LRP1B: variants seen among roughly 807,000 people sequenced by gnomAD.
The protein encoded by LRP1B is LDL receptor related protein 1B.
In LRP1B, 217 loss-of-function variants were observed where a neutral mutation model predicts 556.6. The ratio of observed to expected loss-of-function variants is 0.39; its 90% CI spans 0.35 to 0.44. The LOEUF is 0.44. Ranked by LOEUF, LRP1B falls within the 20% of genes least tolerant of loss-of-function variation. The probability of loss-of-function intolerance (pLI) is 1.00; values close to 1 mark genes in which losing one functional copy is unlikely to be tolerated. For missense variants in LRP1B, 5,053 were observed against 5,620.8 expected, an observed-to-expected ratio of 0.90 and a Z score of 3.23; for synonymous variants, 2,047 against 1,865.8, an observed-to-expected ratio of 1.10 and a Z score of -2.50.
chr2:140,283,331 CAG>C (rs1384659458), intron 84 of LRP1B, among the ~76,000 whole-genome samples: 4 of 151,582 alleles, frequency 2.6e-5, no homozygotes, highest in Non-Finnish European at 5.9e-5. Flanking sequence ...CTTCCAAAGT[CAG>C]AGCTGTGTTT....
At chr2:140,361,308 A>C (rs1490061354) in intron 72 of LRP1B, among the ~76,000 whole-genome samples, 1 of 135,374 alleles carries the variant, frequency 7.4e-6, no homozygotes, top group Non-Finnish European at 1.6e-5. Context: ...TGATACCACC[A>C]AGTATGAATA....
chr2:140,868,641 C>A (rs1693028167), intron 25 of LRP1B, among the ~76,000 whole-genome samples: 1 of 151,876 alleles, frequency 6.6e-6, no homozygotes, highest in Non-Finnish European at 1.5e-5. Flanking sequence ...AAGGCCCTAA[C>A]AGGGAAAAGA....
chr2:141,588,123 C>T (rs928936441), intron 2 of LRP1B, among the ~76,000 whole-genome samples: 1 of 152,084 alleles, frequency 6.6e-6, no homozygotes, highest in African/African-American at 2.4e-5. Flanking sequence ...TTATGGAGAA[C>T]CAAAAATATA....
intron 41 of LRP1B, among the ~76,000 whole-genome samples, chr2:140,642,383 G>A (rs1196943956): frequency 3.9e-5 from 6 of 152,102 alleles, no homozygotes; most frequent in Non-Finnish European, 8.8e-5. Context: ...CTTCGTGCAC[G>A]AGCATCTAAC....
At chr2:141,745,069 C>G (rs1325106262) in intron 2 of LRP1B, among the ~76,000 whole-genome samples, 1 of 152,138 alleles carries the variant, frequency 6.6e-6, no homozygotes, top group South Asian at 2.1e-4. Flanking sequence ...GCTAAGCTGC[C>G]TGGAGCCAGG....
intron 77 of LRP1B, among the ~76,000 whole-genome samples, chr2:140,347,127 A>G (rs921115593): frequency 6.6e-6 from 1 of 151,844 alleles, no homozygotes; most frequent in Non-Finnish European, 1.5e-5. Flanking sequence ...ACTTTTTTGT[A>G]TAGCATTTCA....
At chr2:140,263,980 A>G (rs1215810125) in intron 86 of LRP1B, among the ~76,000 whole-genome samples, 1 of 152,090 alleles carries the variant, frequency 6.6e-6, no homozygotes, top group East Asian at 1.9e-4. Context: ...GGTGGCTTAC[A>G]CAACAAGTTT....
At chr2:140,864,494 A>C (rs1244189370) in intron 27 of LRP1B, among the ~76,000 whole-genome samples, 12 of 151,992 alleles carry the variant, frequency 7.9e-5, no homozygotes, top group Admixed American at 2.6e-4. Flanking sequence ...AACAACTGTA[A>C]AGTACTAATA....
intron 49 of LRP1B, among the ~76,000 whole-genome samples, chr2:140,523,671 T>A (rs567338075): frequency 1.1e-3 from 172 of 151,982 alleles, no homozygotes; most frequent in African/African-American, 4.0e-3. Context: ...ATAATCAAGT[T>A]TAGTGAAGAT....
intron 1 of LRP1B, among the ~76,000 whole-genome samples, chr2:141,927,739 G>T (rs72986524): frequency 4.5e-4 from 68 of 151,876 alleles, no homozygotes; most frequent in African/African-American, 1.6e-3. Context: ...TTCTGCACTT[G>T]CATGAAAAGA....
chr2:140,492,881 C>A (rs1688761308), intron 56 of LRP1B, among the ~76,000 whole-genome samples, 188 bp from the exon 57 acceptor site: 1 of 152,136 alleles, frequency 6.6e-6, no homozygotes, highest in Non-Finnish European at 1.5e-5. Flanking sequence ...CACGCCCAGG[C>A]AGTACAGAAA....
At chr2:140,322,334 A>G (rs1680185489) in intron 81 of LRP1B, among the ~76,000 whole-genome samples, 1 of 152,092 alleles carries the variant, frequency 6.6e-6, no homozygotes, top group African/African-American at 2.4e-5. Flanking sequence ...AGAAGAAATT[A>G]TTCAAATCTA....
chr2:141,416,446 A>ATTTTTTTT (rs34512949), intron 3 of LRP1B, among the ~76,000 whole-genome samples: 7 of 103,414 alleles, frequency 6.8e-5, no homozygotes, highest in African/African-American at 1.1e-4. Context: ...TTTGACAGCC[A>ATTTTTTTT]TTTTTTTTTT....
At chr2:141,194,378 T>C (rs1006823685) in intron 6 of LRP1B, among the ~76,000 whole-genome samples, 3 of 152,046 alleles carry the variant, frequency 2.0e-5, no homozygotes, top group Non-Finnish European at 4.4e-5. Flanking sequence ...AGAACATAAA[T>C]AGGCTAAATT....
At chr2:140,677,358 G>A (rs932464337) in intron 41 of LRP1B, among the ~76,000 whole-genome samples, 2 of 152,132 alleles carry the variant, frequency 1.3e-5, no homozygotes, top group African/African-American at 4.8e-5. Flanking sequence ...GAGGACAATG[G>A]GATCCACGAA....
At chr2:141,408,813 T>G (rs138637428) in intron 3 of LRP1B, among the ~76,000 whole-genome samples, 41 of 152,296 alleles carry the variant, frequency 2.7e-4, no homozygotes, top group African/African-American at 8.7e-4. Flanking sequence ...AAATAATATA[T>G]CAAAATATAT....
At chr2:140,259,352 C>G (rs17476635) in intron 86 of LRP1B, among the ~76,000 whole-genome samples, 4 of 151,934 alleles carry the variant, frequency 2.6e-5, no homozygotes, top group Non-Finnish European at 5.9e-5. Context: ...TAAGTTAAGA[C>G]GGTGTATTAA....
chr2:141,536,849 A>G lies in LRP1B; in HGVS notation c.206-56316T>C, dbSNP rs192336687. Among the ~76,000 whole-genome samples, 414 of 152,192 alleles carry G rather than the reference A, an allele frequency of 2.7e-3. 1 individual carries two copies. The highest frequency in any genetic ancestry group is 9.1e-3 in the African/African-American group (380 of 41,570). On this transcript the variant is annotated intron_variant, in intron 2 of 90. Transcript: ENST00000389484. ...TGAGTCTGATATTTAATTAGAATCA[A>G]TGAAAATGCACAATTAAAATATCTG...
intron 71 of LRP1B, among the ~76,000 whole-genome samples, chr2:140,369,671 A>AG (rs1268062168): frequency 1.3e-5 from 2 of 151,950 alleles, no homozygotes; most frequent in Admixed American, 1.3e-4. Flanking sequence ...TGTAAAAAAA[A>AG]AAAACTATTT....
Sources: allele counts gnomAD v4.1 joint callset (sites outside exome capture counted in the v4.1 genomes callset), GRCh38; gene constraint gnomAD v4.1.1; transcripts MANE v1.5; gene names NCBI Gene and HGNC (gene_info 2026-07-23, HGNC 2026-07-21).